Variants in ZNF704 observed in about 807,000 individuals in gnomAD.
ZNF704 encodes glucocorticoid induced gene 1.
A neutral mutation model predicts 44.7 loss-of-function variants in ZNF704; 10 were observed. The observed-to-expected ratio is 0.22, with a 90% CI of 0.14 to 0.38. ZNF704 has a LOEUF of 0.38. Among genes scored for constraint, ZNF704 ranks in the 10% least tolerant of loss-of-function variants. The pLI is 1.00. For missense variants in ZNF704, 390 were observed against 545.5 expected (o/e 0.71, Z 2.84); for synonymous variants, 211 against 207.6 (o/e 1.02, Z -0.14).
At chr8:80,679,707 G>T (rs1252170532) in intron 4 of ZNF704, among the ~76,000 whole-genome samples, 1 of 152,222 alleles carries the variant, frequency 6.6e-6, no homozygotes, top group East Asian at 1.9e-4. Context: ...ACCATTGATT[G>T]GGAACCACTC....
chr8:80,671,378 T>C (rs1436092710), intron 4 of ZNF704, among the ~76,000 whole-genome samples: 1 of 152,198 alleles, frequency 6.6e-6, no homozygotes, highest in African/African-American at 2.4e-5. Context: ...AGTGCCATGA[T>C]TGAGAGCACT....
intron 3 of ZNF704, among the ~76,000 whole-genome samples, chr8:80,691,964 G>A (rs1818645081): frequency 6.6e-6 from 1 of 152,038 alleles, no homozygotes; most frequent in African/African-American, 2.4e-5. Flanking sequence ...TCTTGATTCT[G>A]CATTCTTCAC....
chr8:80,673,183 G>A (rs1306062900), intron 4 of ZNF704: 2 of 152,174 alleles, frequency 1.3e-5, no homozygotes, highest in Non-Finnish European at 2.9e-5. Flanking sequence ...TTAAATTATG[G>A]TTAAGAGGTT....
At chr8:80,725,948 G>A (rs901149304) in intron 2 of ZNF704, among the ~76,000 whole-genome samples, 1 of 152,090 alleles carries the variant, frequency 6.6e-6, no homozygotes, top group Admixed American at 6.5e-5. Context: ...TCTAATGTAG[G>A]TAGTGAGTAA....
At chr8:80,880,740 G>A in the ZNF704 span, among the ~76,000 whole-genome samples, 1 of 152,196 alleles carries the variant, frequency 6.6e-6, no homozygotes, top group African/African-American at 2.4e-5. Flanking sequence ...CAGGGCCATA[G>A]CCAAAAGGTG....
rs114065485 is a variant in ZNF704 at position 80,668,964 on chromosome 8, G to C, written c.659+1539C>G. Among the ~76,000 whole-genome samples the C allele has an allele frequency of 4.4e-3, 671 of 152,276 alleles. 5 individuals carry two copies. Among genetic ancestry groups the C allele is most frequent in the African/African-American group, 0.016 (645 of 41,546 alleles). On this transcript the variant is annotated intron_variant, in intron 5 of 8. Coordinates refer to ENST00000327835, the MANE Select transcript of ZNF704 (RefSeq NM_001033723.3). Reference sequence around the variant, plus strand: ...CCTGTACGGTGCCTGGCAGGGCTATGAACCATAATTCACCAGGGAAATTCT... The same window carrying C: ...CCTGTACGGTGCCTGGCAGGGCTATCAACCATAATTCACCAGGGAAATTCT...
At chr8:80,652,171 T>G (rs1473484581) in intron 7 of ZNF704, among the ~76,000 whole-genome samples, 2 of 152,148 alleles carry the variant, frequency 1.3e-5, no homozygotes, top group Non-Finnish European at 2.9e-5. Flanking sequence ...CAAAGCAGTG[T>G]GTAGAGGGAA....
At chr8:80,716,549 G>C (rs892243601) in intron 2 of ZNF704, among the ~76,000 whole-genome samples, 4 of 152,206 alleles carry the variant, frequency 2.6e-5, no homozygotes, top group African/African-American at 9.7e-5. Context: ...CATTATAACT[G>C]ATACTGACTG....
In ZNF704 at chr8:80,629,095, AAAAG is replaced by A. The variant is rs1309653050; in HGVS notation, c.*12267_*12270del. The A allele has an allele frequency of 1.3e-5, 2 of 152,218 alleles. No homozygotes were observed. Among genetic ancestry groups the A allele is most frequent in the Admixed American group, 6.5e-5 (1 of 15,280 alleles). 9.4% of individuals were successfully genotyped at this position (152,218 alleles called of 1,614,324 possible). A position where few individuals can be genotyped will look rare whatever the true frequency, so the allele number is the denominator to read the frequency against. ...CACAAAGTCCAAAACAATGGAAAGC[AAAAG>A]AAATTCAAAAAATTGTTTTAGAGAA... On this transcript the variant is annotated 3_prime_UTR_variant, in exon 9 of 9. Coordinates refer to ENST00000327835, the MANE Select transcript of ZNF704 (RefSeq NM_001033723.3).
At chr8:80,674,300 T>C (rs750282451) in intron 4 of ZNF704, among the ~76,000 whole-genome samples, 7 of 152,214 alleles carry the variant, frequency 4.6e-5, no homozygotes, top group Non-Finnish European at 1.0e-4. Flanking sequence ...ACTATTTTAT[T>C]CAAAGCATAT....
intron 1 of ZNF704, among the ~76,000 whole-genome samples, chr8:80,848,209 C>T (rs1277490357): frequency 1.3e-5 from 2 of 152,064 alleles, no homozygotes; most frequent in Non-Finnish European, 2.9e-5. Context: ...AAATGGAAAA[C>T]AGATTAGTTA....
At chr8:80,849,295 T>C (rs1004365107) in intron 1 of ZNF704, among the ~76,000 whole-genome samples, 10 of 152,220 alleles carry the variant, frequency 6.6e-5, no homozygotes, top group Admixed American at 3.9e-4. Flanking sequence ...ATATCATCTA[T>C]GCTTAGGATA....
chr8:80,697,368 T>C (rs965724624), intron 2 of ZNF704, among the ~76,000 whole-genome samples: 3 of 152,230 alleles, frequency 2.0e-5, no homozygotes, highest in Non-Finnish European at 4.4e-5. Flanking sequence ...AGGCAGGCTA[T>C]TCAGCTGTTT....
At chr8:80,826,762 G>A (rs1406892803) in intron 1 of ZNF704, among the ~76,000 whole-genome samples, 2 of 152,114 alleles carry the variant, frequency 1.3e-5, no homozygotes, top group African/African-American at 4.8e-5. Context: ...ATGCAAGGCT[G>A]GTTCAACATA....
rs151301453 is a variant in ZNF704, at chr8:80,665,622, A to G, written c.660-540T>C. On this transcript the variant is annotated intron_variant, in intron 5 of 8. Transcript: ENST00000327835. ...TTACACTAAAAGCCCAGGCTTTATC[A>G]CTGTGCAACACAGCCATGTAACAAA... Among the ~76,000 whole-genome samples, 1,109 of 152,256 alleles carry G rather than the reference A, an allele frequency of 7.3e-3. 8 individuals carry two copies. The highest frequency in any genetic ancestry group is 0.012 in the Non-Finnish European group (800 of 68,020).
At chr8:80,675,390 G>A (rs1012400052) in intron 4 of ZNF704, among the ~76,000 whole-genome samples, 1 of 152,208 alleles carries the variant, frequency 6.6e-6, no homozygotes, top group Admixed American at 6.5e-5. Context: ...GCAGACAAAG[G>A]TAAGGAATTT....
chr8:80,845,918 A>G (rs1413960137), intron 1 of ZNF704, among the ~76,000 whole-genome samples: 2 of 152,226 alleles, frequency 1.3e-5, no homozygotes, highest in Non-Finnish European at 2.9e-5. Context: ...GGATGGGCCT[A>G]TCTCCTCTGC....
chr8:80,857,493 A>G (rs1808982607), intron 1 of ZNF704, among the ~76,000 whole-genome samples: 1 of 152,146 alleles, frequency 6.6e-6, no homozygotes, highest in Admixed American at 6.5e-5. Flanking sequence ...TTACCCTTTC[A>G]ATCTATTAAT....
At chr8:80,822,866 T>C (rs1264114244) in intron 1 of ZNF704, among the ~76,000 whole-genome samples, 2 of 152,378 alleles carry the variant, frequency 1.3e-5, no homozygotes, top group East Asian at 3.9e-4. Flanking sequence ...TGTCTGTTCA[T>C]ATCCTTTGCC....
Sources: gnomAD v4.1 joint callset for allele counts (sites outside exome capture counted in the v4.1 genomes callset) on GRCh38, gnomAD v4.1.1 for gene constraint, MANE v1.5 for transcripts, NCBI Gene and HGNC (gene_info 2026-07-23, HGNC 2026-07-21) for gene names.